The following CEP112 variants were observed in gnomAD, a reference collection of about 807,000 sequenced individuals.
The protein encoded by CEP112 is centrosomal protein 112.
CEP112 carries 127 observed loss-of-function variants against 153.0 expected under a neutral mutation model. The observed-to-expected ratio is 0.83, with a 90% CI of 0.72 to 0.96. The LOEUF (loss-of-function observed/expected upper bound fraction) is 0.96. Among genes scored for constraint, CEP112 ranks in the 40% least tolerant of loss-of-function variants. CEP112 has a pLI of 0.00. For synonymous variants in CEP112, 358 were observed against 374.4 expected, an observed-to-expected ratio of 0.96 and a Z score of 0.51; for missense variants, 1,089 against 1,101.2, an observed-to-expected ratio of 0.99 and a Z score of 0.16.
At chr17:65,647,392 C>T (rs1238510057) in intron 24 of CEP112, among the ~76,000 whole-genome samples, 5 of 150,864 alleles carry the variant, frequency 3.3e-5, no homozygotes, top group Admixed American at 1.3e-4. Context: ...AGTCTGGTCT[C>T]GAACTCTCGA....
chr17:66,139,255 A>G (rs2070578769), intron 4 of CEP112, among the ~76,000 whole-genome samples: 1 of 152,160 alleles, frequency 6.6e-6, no homozygotes, highest in Admixed American at 6.5e-5. Context: ...AGGAGAGAAG[A>G]CTAAACAACT....
chr17:65,723,252 G>A (rs1349234901), intron 23 of CEP112, among the ~76,000 whole-genome samples: 1 of 152,072 alleles, frequency 6.6e-6, no homozygotes, highest in Non-Finnish European at 1.5e-5. Context: ...GCCAAACTCG[G>A]AGACTTTGTA....
At chr17:65,722,496 G>A (rs1261403820) in intron 23 of CEP112, among the ~76,000 whole-genome samples, 4 of 152,168 alleles carry the variant, frequency 2.6e-5, no homozygotes, top group African/African-American at 7.2e-5. Context: ...TGATCTGCCT[G>A]CCTTGGCCTC....
At chr17:65,928,254 A>G (rs1261649421) in intron 18 of CEP112, among the ~76,000 whole-genome samples, 1 of 152,248 alleles carries the variant, frequency 6.6e-6, no homozygotes, top group East Asian at 1.9e-4. Flanking sequence ...AAGAATAGCA[A>G]TAATAAAAAA....
chr17:65,997,781 C>A (rs958453127), intron 17 of CEP112, among the ~76,000 whole-genome samples: 1 of 31,736 alleles, frequency 3.2e-5, no homozygotes, highest in East Asian at 6.4e-4. Flanking sequence ...TATACACACA[C>A]CCTAAACATC....
At chr17:65,948,132 C>T (rs886913367) in intron 18 of CEP112, among the ~76,000 whole-genome samples, 1 of 152,108 alleles carries the variant, frequency 6.6e-6, no homozygotes, top group African/African-American at 2.4e-5. Context: ...TTAAAAATCT[C>T]TAAGAATGCA....
chr17:65,671,090 TA>T (rs1225022325), intron 24 of CEP112, among the ~76,000 whole-genome samples: 1 of 151,584 alleles, frequency 6.6e-6, no homozygotes, highest in Non-Finnish European at 1.5e-5. Context: ...AGATGTCTGT[TA>T]GGGTTGTTTG....
At chr17:65,770,928 TAAAA>T (rs34049976) in intron 21 of CEP112, among the ~76,000 whole-genome samples, 6 of 124,302 alleles carry the variant, frequency 4.8e-5, no homozygotes, top group Non-Finnish European at 9.8e-5. Context: ...GACTCCGTCT[TAAAA>T]AAAAAAAAAA....
chr17:66,050,130 T>A (rs7210112), intron 12 of CEP112, among the ~76,000 whole-genome samples: 4 of 152,352 alleles, frequency 2.6e-5, no homozygotes, highest in African/African-American at 7.2e-5. Context: ...TCATCTCAGA[T>A]CTTCATACTT....
At chr17:66,015,500 C>T (rs1288624330) in intron 16 of CEP112, among the ~76,000 whole-genome samples, 4 of 152,204 alleles carry the variant, frequency 2.6e-5, no homozygotes, top group South Asian at 2.1e-4. Context: ...AGGCTTTGCA[C>T]ATTCAAAAAT....
At chr17:66,158,504 C>T (rs1318041554) in intron 4 of CEP112, among the ~76,000 whole-genome samples, 1 of 151,998 alleles carries the variant, frequency 6.6e-6, no homozygotes, top group Non-Finnish European at 1.5e-5. Flanking sequence ...CCCAGCTACA[C>T]AGGAGGCTGA....
At chr17:66,095,654 A>G (rs2068312351) in intron 8 of CEP112, among the ~76,000 whole-genome samples, 1 of 152,264 alleles carries the variant, frequency 6.6e-6, no homozygotes, top group South Asian at 2.1e-4. Flanking sequence ...CTATGAGAGT[A>G]CATTTTAAGT....
intron 21 of CEP112, among the ~76,000 whole-genome samples, chr17:65,805,011 G>C (rs1478137325): frequency 6.6e-6 from 1 of 151,920 alleles, no homozygotes; most frequent in Non-Finnish European, 1.5e-5. Flanking sequence ...ACCACATGTG[G>C]CTAATTTTTG....
chr17:65,728,729 A>T (rs1322005029), intron 23 of CEP112, among the ~76,000 whole-genome samples: 1 of 152,236 alleles, frequency 6.6e-6, no homozygotes, highest in East Asian at 1.9e-4. Flanking sequence ...GTAAAAATAC[A>T]GTATAAAAGA....
At chr17:66,094,377 C>A (rs1368386375) in intron 8 of CEP112, among the ~76,000 whole-genome samples, 1 of 152,024 alleles carries the variant, frequency 6.6e-6, no homozygotes, top group Non-Finnish European at 1.5e-5. Flanking sequence ...TGATTTTTGA[C>A]AAAGATGCCA....
At chr17:65,815,099 G>A (rs1353933317) in intron 21 of CEP112, among the ~76,000 whole-genome samples, 2 of 151,634 alleles carry the variant, frequency 1.3e-5, no homozygotes, top group Non-Finnish European at 2.9e-5. Context: ...AGAAATGTTT[G>A]TCTAAATCAA....
At chr17:65,925,819 T>C (rs1244273091) in intron 19 of CEP112, among the ~76,000 whole-genome samples, 1 of 152,166 alleles carries the variant, frequency 6.6e-6, no homozygotes, top group Non-Finnish European at 1.5e-5. Flanking sequence ...CCCATAGCAA[T>C]GTTCCAGATA....
intron 16 of CEP112, among the ~76,000 whole-genome samples, chr17:66,023,066 T>C (rs2065064568): frequency 6.6e-6 from 1 of 152,000 alleles, no homozygotes. Context: ...AGTATGGGAC[T>C]ACATAAAGCA....
rs144636881 is a variant in CEP112 at position 66,127,684 on chromosome 17, A to C, written c.642+2062T>G. Among the ~76,000 whole-genome samples, 205 of 152,198 alleles carry C rather than the reference A, an allele frequency of 1.3e-3. 2 individuals carry two copies. In the East Asian group the frequency reaches 0.027, roughly 20 times the overall value. On this transcript the variant is annotated intron_variant, in intron 6 of 26. Coordinates refer to ENST00000535342, the MANE Select transcript of CEP112 (RefSeq NM_001199165.4). The stretch of plus-strand genomic sequence containing the variant: ...TAGAGCTGTTCTAGTCTCCGGGCGC[A>C]GCTGCCTCCTCAAACAGTGTGACTC...
Sources: allele counts gnomAD v4.1 joint callset (sites outside exome capture counted in the v4.1 genomes callset), GRCh38; gene constraint gnomAD v4.1.1; transcripts MANE v1.5; gene names NCBI Gene and HGNC (gene_info 2026-07-23, HGNC 2026-07-21).